SLC7A11: variants seen among roughly 807,000 people sequenced by gnomAD.
The protein encoded by SLC7A11 is cystine/glutamate transporter.
In SLC7A11, 35 loss-of-function variants were observed where a neutral mutation model predicts 54.5. The observed-to-expected ratio is 0.64, with a 90% CI of 0.49 to 0.85. The LOEUF (loss-of-function observed/expected upper bound fraction) is 0.85, where lower values mean the gene tolerates loss of function less well. SLC7A11 is among the 40% of genes least tolerant of loss of function. The probability of loss-of-function intolerance (pLI) is 0.00; values close to 1 mark genes in which losing one functional copy is unlikely to be tolerated. For synonymous variants in SLC7A11, 230 were observed against 225.2 expected, an observed-to-expected ratio of 1.02 and a Z score of -0.19; for missense variants, 583 against 618.1, an observed-to-expected ratio of 0.94 and a Z score of 0.60.
At position 138,241,930 on chromosome 4, in the gene SLC7A11, A is replaced by G. The variant is rs769086049; in HGVS notation, c.140T>C (p.Leu47Pro). 2 of 1,614,110 alleles carry G rather than the reference A, an allele frequency of 1.2e-6. No homozygotes were observed. The highest frequency in any genetic ancestry group is 4.5e-5 in the East Asian group (2 of 44,858). ...KVQLKRKVTL[L>P]RGVSIIIGTI... ...GCCAATGATAATGGAGACTCCCCTC[A>G]GTAAAGTGACTTTCCTCTTCAGCTG... is the stretch of plus-strand genomic sequence containing the variant. The change falls in exon 1 of 12, where the codon CTG (leucine) becomes CCG (proline). Residue 47 changes from leucine (L) to proline (P), a missense_variant. By Grantham distance (98) the Leu-to-Pro change is moderately conservative. Transcript: ENST00000280612.
intron 11 of SLC7A11, among the ~76,000 whole-genome samples, chr4:138,173,023 A>C (rs558916115): frequency 1.3e-5 from 2 of 151,596 alleles, no homozygotes; most frequent in African/African-American, 4.8e-5. Flanking sequence ...TTGTATTTTT[A>C]GTAGAGACGG....
In SLC7A11 at chr4:138,171,073, T is replaced by C. The variant is rs1736413857; in HGVS notation, c.*883A>G. The C allele has an allele frequency of 6.6e-6, 1 of 152,180 alleles. No homozygotes were observed. Among genetic ancestry groups the C allele is most frequent in the African/African-American group, 2.4e-5 (1 of 41,454 alleles). The allele number at this position is 152,180 out of a possible 1,614,324, so 9.4% of individuals were successfully genotyped here. A position where few individuals can be genotyped will look rare whatever the true frequency, so the allele number is the denominator to read the frequency against. On this transcript the variant is annotated 3_prime_UTR_variant, in exon 12 of 12. Coordinates refer to ENST00000280612, the MANE Select transcript of SLC7A11 (RefSeq NM_014331.4). Reference sequence around the variant, plus strand: ...GGTGATTTCTCTCATGTTGATAATGTAATTTGAAGGCTTAAAATGCATATG... The same window carrying C: ...GGTGATTTCTCTCATGTTGATAATGCAATTTGAAGGCTTAAAATGCATATG...
chr4:138,175,422 G>A (rs980060133), intron 11 of SLC7A11, among the ~76,000 whole-genome samples: 2 of 152,172 alleles, frequency 1.3e-5, no homozygotes, highest in Admixed American at 1.3e-4. Context: ...AGACAGCCAA[G>A]TAAAACAGCT....
chr4:138,224,313 C>G (rs1737887821), intron 3 of SLC7A11, among the ~76,000 whole-genome samples: 1 of 152,106 alleles, frequency 6.6e-6, no homozygotes, highest in Non-Finnish European at 1.5e-5. Context: ...CAACCTTATG[C>G]TTGGAACAAC....
rs927766651 is a variant in SLC7A11, at chr4:138,240,792, G to A, written c.277+1001C>T. ...AAGTACAGAATCTTTCCCAAGAAGA[G>A]TAAATAAATCCTCATAGCATAAATC... On this transcript the variant is annotated intron_variant, in intron 1 of 11. Transcript: ENST00000280612. Among the ~76,000 whole-genome samples, 7 of 152,148 alleles carry A rather than the reference G, an allele frequency of 4.6e-5. No homozygotes were observed. The South Asian group carries it at 6.2e-4, about 13-fold the overall frequency.
At chr4:138,201,343 A>G (rs1457301313) in intron 6 of SLC7A11, among the ~76,000 whole-genome samples, 1 of 152,094 alleles carries the variant, frequency 6.6e-6, no homozygotes, top group Non-Finnish European at 1.5e-5. Context: ...AGCTTTTGTC[A>G]CAGCAAGATG....
intron 6 of SLC7A11, among the ~76,000 whole-genome samples, chr4:138,193,063 T>C (rs1737048986): frequency 3.3e-5 from 5 of 152,184 alleles, no homozygotes; most frequent in Admixed American, 2.6e-4. Flanking sequence ...ACAACACTTA[T>C]ACTATACACA....
intron 3 of SLC7A11, among the ~76,000 whole-genome samples, chr4:138,228,530 G>T (rs1339358318): frequency 6.6e-6 from 1 of 151,826 alleles, no homozygotes; most frequent in Non-Finnish European, 1.5e-5. Context: ...AGGCCGAGGC[G>T]GGCGGCTCAT....
intron 2 of SLC7A11, among the ~76,000 whole-genome samples, chr4:138,234,478 A>G (rs1469041713): frequency 2.6e-5 from 4 of 152,306 alleles, no homozygotes; most frequent in South Asian, 2.1e-4. Flanking sequence ...GTTATGACAA[A>G]GAGATATATG....
At chr4:138,231,768 T>C (rs1463566196) in intron 3 of SLC7A11, among the ~76,000 whole-genome samples, 2 of 152,182 alleles carry the variant, frequency 1.3e-5, no homozygotes, top group Non-Finnish European at 2.9e-5. Context: ...TAGAAAATAC[T>C]ACTAATAATC....
chr4:138,238,935 C>G (rs1290017976), intron 1 of SLC7A11, among the ~76,000 whole-genome samples: 1 of 152,072 alleles, frequency 6.6e-6, no homozygotes, highest in Non-Finnish European at 1.5e-5. Flanking sequence ...AACACTCAAA[C>G]CAAAAACAGA....
rs1046532356 is a variant in SLC7A11, at chr4:138,194,893, ATTGT to A, written c.792-9653_792-9650del. ...TAGCACATAAAGCTAATCCCTAAAG[ATTGT>A]TTAATAGAATTCTTTGAAAACTCAG... On this transcript the variant is annotated intron_variant, in intron 6 of 11. Coordinates refer to ENST00000280612, the MANE Select transcript of SLC7A11 (RefSeq NM_014331.4). Among the ~76,000 whole-genome samples, 40 of 152,166 alleles carry A rather than the reference ATTGT, an allele frequency of 2.6e-4. 1 individual carries two copies. Among genetic ancestry groups the A allele is most frequent in the Non-Finnish European group, 4.4e-5 (3 of 68,014 alleles).
chr4:138,232,493 T>C, intron 2 of SLC7A11, 111 bp from the exon 3 acceptor site: 1 of 645,468 alleles, frequency 1.5e-6, no homozygotes, highest in South Asian at 2.0e-5. Context: ...AATATGAAAG[T>C]CCATAGTTTT....
chr4:138,193,372 TTA>T (rs1049046585), intron 6 of SLC7A11, among the ~76,000 whole-genome samples: 10 of 152,164 alleles, frequency 6.6e-5, no homozygotes, highest in African/African-American at 2.4e-4. Flanking sequence ...CTTACTAGTT[TTA>T]TGTATTGACA....
intron 5 of SLC7A11, among the ~76,000 whole-genome samples, chr4:138,217,798 C>A (rs1468098656): frequency 6.6e-6 from 1 of 152,190 alleles, no homozygotes; most frequent in Non-Finnish European, 1.5e-5. Flanking sequence ...GCTTCAGCCC[C>A]AGGGCACAGA....
chr4:138,241,729 T>C, intron 1 of SLC7A11, 64 bp downstream of exon 1: 2 of 1,337,292 alleles, frequency 1.5e-6, no homozygotes, highest in Non-Finnish European at 2.1e-6. Flanking sequence ...ACCATTTGCT[T>C]TCCCAGAAAG....
chr4:138,241,730 T>A, intron 1 of SLC7A11, 63 bp downstream of exon 1: 1 of 1,336,732 alleles, frequency 7.5e-7, no homozygotes, highest in Non-Finnish European at 1.1e-6. Flanking sequence ...CCATTTGCTT[T>A]CCCAGAAAGC....
chr4:138,196,652 ATTATT>A (rs977637265), intron 6 of SLC7A11, among the ~76,000 whole-genome samples: 2 of 150,764 alleles, frequency 1.3e-5, no homozygotes, highest in South Asian at 2.1e-4. Flanking sequence ...TTTAATTTTT[ATTATT>A]TTATTTTATT....
At chr4:138,213,732 T>G (rs146332437) in intron 6 of SLC7A11, among the ~76,000 whole-genome samples, 7 of 152,258 alleles carry the variant, frequency 4.6e-5, no homozygotes, top group Admixed American at 2.6e-4. Flanking sequence ...TTACATCTAT[T>G]TGTTTACACA....
Sources: gnomAD v4.1 joint callset for allele counts (sites outside exome capture counted in the v4.1 genomes callset) on GRCh38, gnomAD v4.1.1 for gene constraint, MANE v1.5 for transcripts, NCBI Gene and HGNC (gene_info 2026-07-23, HGNC 2026-07-21) for gene names.